Variants in MAGI2 observed in about 807,000 individuals in gnomAD.
MAGI2 encodes the protein membrane associated guanylate kinase, WW and PDZ domain containing 2, also known as membrane-associated guanylate kinase, WW and PDZ domain-containing protein 2.
A neutral mutation model predicts 133.3 loss-of-function variants in MAGI2; 35 were observed. The observed-to-expected ratio is 0.26, with a 90% CI of 0.20 to 0.35. The LOEUF is 0.35. MAGI2 is among the 10% of genes least tolerant of loss of function. The pLI is 1.00. For synonymous variants in MAGI2, 729 were observed against 710.6 expected, an observed-to-expected ratio of 1.03 and a Z score of -0.41; for missense variants, 1,636 against 1,863.4, an observed-to-expected ratio of 0.88 and a Z score of 2.25.
At chr7:78,143,021 G>A (rs763544956) in intron 16 of MAGI2, among the ~76,000 whole-genome samples, 15 of 152,028 alleles carry the variant, frequency 9.9e-5, no homozygotes, top group East Asian at 1.9e-4. Context: ...ACCCTATTTC[G>A]GCAATTTTTG....
chr7:79,186,165 A>G (rs549031133), intron 1 of MAGI2, among the ~76,000 whole-genome samples: 2 of 143,780 alleles, frequency 1.4e-5, no homozygotes, highest in East Asian at 4.2e-4. Flanking sequence ...CAAATACTCT[A>G]GAGGCCAGCC....
intron 1 of MAGI2, among the ~76,000 whole-genome samples, chr7:79,028,435 G>T (rs1810241413): frequency 6.6e-6 from 1 of 150,960 alleles, no homozygotes; most frequent in Non-Finnish European, 1.5e-5. Context: ...TGGTGCTAGA[G>T]AGGCAGTTGT....
chr7:79,347,032 GCCATGATC>G (rs1488871088), intron 1 of MAGI2, among the ~76,000 whole-genome samples: 2 of 151,792 alleles, frequency 1.3e-5, no homozygotes. Flanking sequence ...TTTATTCGCA[GCCATGATC>G]CCATCAATTC....
At chr7:78,874,199 T>C (rs1012793519) in intron 2 of MAGI2, among the ~76,000 whole-genome samples, 6 of 152,048 alleles carry the variant, frequency 3.9e-5, no homozygotes, top group African/African-American at 1.4e-4. Context: ...GAGAAACAAC[T>C]TGAGTAAATT....
chr7:78,585,046 A>G (rs1803255119), intron 3 of MAGI2, among the ~76,000 whole-genome samples: 1 of 152,176 alleles, frequency 6.6e-6, no homozygotes, highest in Admixed American at 6.5e-5. Context: ...GCTACTCAGG[A>G]TACTATTTTC....
intron 2 of MAGI2, among the ~76,000 whole-genome samples, chr7:78,923,482 T>A (rs1239502119): frequency 6.6e-6 from 1 of 152,222 alleles, no homozygotes; most frequent in Non-Finnish European, 1.5e-5. Flanking sequence ...TTTCTCAGGT[T>A]TGTCAAAGAT....
intron 1 of MAGI2, among the ~76,000 whole-genome samples, chr7:79,095,933 G>A (rs1817473519): frequency 6.6e-6 from 1 of 152,162 alleles, no homozygotes; most frequent in Admixed American, 6.5e-5. Flanking sequence ...AAAAACGACA[G>A]TATCTGGGAA....
In MAGI2 at chr7:78,286,814, G is replaced by C. The variant is rs78894844; in HGVS notation, c.1409-30233C>G. ...GAGAGAAATAAAATCAGGAACTGGT[G>C]GTGGGGATAAGTATGAAATTGGTTA... On this transcript the variant is annotated intron_variant, in intron 9 of 21. Transcript: ENST00000354212. 3.0e-4 allele frequency among the ~76,000 whole-genome samples: 46 copies of C among 152,294 alleles called. No individual in the cohort carries two copies. In the East Asian group the frequency reaches 7.7e-3, roughly 26 times the overall value.
intron 1 of MAGI2, among the ~76,000 whole-genome samples, chr7:79,281,455 T>C (rs1835635213): frequency 6.6e-6 from 1 of 152,130 alleles, no homozygotes; most frequent in Non-Finnish European, 1.5e-5. Flanking sequence ...AAGCGATCTT[T>C]ATGTTTTTCA....
At chr7:78,070,418 ATATATATATGTG>A (rs1563080635) in intron 21 of MAGI2, among the ~76,000 whole-genome samples, 1 of 147,430 alleles carries the variant, frequency 6.8e-6, no homozygotes, top group Non-Finnish European at 1.5e-5. Flanking sequence ...GTGTGTGTGT[ATATATATATGTG>A]TATATATATA....
At chr7:78,921,824 G>A (rs1212684283) in intron 2 of MAGI2, among the ~76,000 whole-genome samples, 1 of 152,016 alleles carries the variant, frequency 6.6e-6, no homozygotes, top group Non-Finnish European at 1.5e-5. Context: ...ATTGGAGACA[G>A]GTTTCGCCAT....
chr7:78,604,209 C>G (rs750126357), intron 3 of MAGI2, among the ~76,000 whole-genome samples: 2 of 151,934 alleles, frequency 1.3e-5, no homozygotes, highest in Non-Finnish European at 2.9e-5. Flanking sequence ...GAAGTATGAA[C>G]AGGAAAGTTC....
chr7:78,366,731 G>A (rs1164720693), intron 7 of MAGI2, among the ~76,000 whole-genome samples: 2 of 152,016 alleles, frequency 1.3e-5, no homozygotes, highest in African/African-American at 4.8e-5. Flanking sequence ...AATAAATATT[G>A]GGATAATATT....
intron 2 of MAGI2, among the ~76,000 whole-genome samples, chr7:78,923,123 T>C (rs1799394761): frequency 6.6e-6 from 1 of 152,072 alleles, no homozygotes; most frequent in Non-Finnish European, 1.5e-5. Context: ...GTTGCAAAAA[T>C]TTTCTCTCAT....
chr7:78,777,651 T>C lies in MAGI2; in HGVS notation c.419-150412A>G, dbSNP rs150655855. On this transcript the variant is annotated intron_variant, in intron 2 of 21. Transcript: ENST00000354212. ...CAAAGTAAGTGCTAGCTTTCACCAT[T>C]ATTATTACAATATTTTCTTTTACTG... 5.3e-3 allele frequency among the ~76,000 whole-genome samples: 813 copies of C among 152,302 alleles called. 7 individuals are homozygous for C. The highest frequency in any genetic ancestry group is 9.0e-3 in the Non-Finnish European group (609 of 68,010).
intron 2 of MAGI2, among the ~76,000 whole-genome samples, chr7:78,655,099 A>G (rs1812026224): frequency 6.6e-6 from 1 of 151,896 alleles, no homozygotes; most frequent in South Asian, 2.1e-4. Context: ...TATACCATAA[A>G]TATAATATAC....
intron 1 of MAGI2, among the ~76,000 whole-genome samples, chr7:79,063,737 A>G: frequency 6.6e-6 from 1 of 152,098 alleles, no homozygotes; most frequent in East Asian, 1.9e-4. Flanking sequence ...TTCTACACCA[A>G]TCCATCTGCT....
At chr7:78,375,704 G>GT (rs1226421088) in intron 6 of MAGI2, among the ~76,000 whole-genome samples, 1 of 152,008 alleles carries the variant, frequency 6.6e-6, no homozygotes, top group Non-Finnish European at 1.5e-5. Flanking sequence ...GTATTATATG[G>GT]TAATAGCTAC....
chr7:78,562,201 G>C (rs180886584), intron 3 of MAGI2, among the ~76,000 whole-genome samples: 1 of 152,150 alleles, frequency 6.6e-6, no homozygotes, highest in Non-Finnish European at 1.5e-5. Flanking sequence ...ATCACTATGA[G>C]AGCATTAAAA....
Sources: gnomAD v4.1 joint callset for allele counts (sites outside exome capture counted in the v4.1 genomes callset) on GRCh38, gnomAD v4.1.1 for gene constraint, MANE v1.5 for transcripts, NCBI Gene and HGNC (gene_info 2026-07-23, HGNC 2026-07-21) for gene names.